Variants in TSPAN7 observed in about 807,000 individuals in gnomAD.
TSPAN7 encodes tetraspanin 7, also known as tetraspanin-7.
A neutral mutation model predicts 17.6 loss-of-function variants in TSPAN7; 1 was observed. The ratio of observed to expected loss-of-function variants is 0.06; its 90% CI spans 0.02 to 0.27. The LOEUF is 0.27. TSPAN7 is among the 10% of genes least tolerant of loss of function. The probability of loss-of-function intolerance (pLI) is 1.00; values close to 1 mark genes in which losing one functional copy is unlikely to be tolerated. For missense variants in TSPAN7, 112 were observed against 201.7 expected, an observed-to-expected ratio of 0.56 and a Z score of 2.69; for synonymous variants, 78 against 79.0, an observed-to-expected ratio of 0.99 and a Z score of 0.07.
intron 1 of TSPAN7, among the ~76,000 whole-genome samples, chrX:38,584,320 A>G (rs530192244): frequency 9.0e-6 from 1 of 111,201 alleles, no homozygotes; most frequent in Admixed American, 9.6e-5. Flanking sequence ...GTTTTAGATA[A>G]CGTCCACATG....
chrX:38,598,784 C>T (rs1164288353), intron 1 of TSPAN7, among the ~76,000 whole-genome samples: 1 of 110,733 alleles, frequency 9.0e-6, no homozygotes, highest in Non-Finnish European at 1.9e-5. Flanking sequence ...AGTATAGAAC[C>T]CATAATGAGC....
intron 1 of TSPAN7, among the ~76,000 whole-genome samples, chrX:38,610,604 G>A (rs965237242): frequency 9.0e-6 from 1 of 111,287 alleles, no homozygotes; most frequent in African/African-American, 3.3e-5. Flanking sequence ...AAGCTCCCCA[G>A]GTGATTCCAG....
At chrX:38,617,932 G>A (rs931830249) in intron 1 of TSPAN7, among the ~76,000 whole-genome samples, 2 of 111,774 alleles carry the variant, frequency 1.8e-5, no homozygotes, top group African/African-American at 3.3e-5. Context: ...TGTTCACATC[G>A]GAGAGAAGGA....
Position 38,632,707 on chromosome X carries a change from A to G in TSPAN7, c.82-33414A>G, listed in dbSNP as rs188121646. On this transcript the variant is annotated intron_variant, in intron 1 of 7. Transcript: ENST00000378482. ...TCTCTACCAAGTGTTACACATGTGT[A>G]TATCTACAAAATGGCTGTTACCAGG... 4.4e-5 allele frequency among the ~76,000 whole-genome samples: 5 copies of G among 112,760 alleles called. No homozygotes were observed. The East Asian group carries it at 1.4e-3, about 31-fold the overall frequency.
intron 1 of TSPAN7, among the ~76,000 whole-genome samples, chrX:38,574,875 A>G (rs1046280728): frequency 9.1e-6 from 1 of 110,102 alleles, no homozygotes; most frequent in Non-Finnish European, 1.9e-5. Flanking sequence ...GCCCTTGTTT[A>G]ATCCCCTCTG....
chrX:38,654,885 G>A (rs768231806), intron 1 of TSPAN7, among the ~76,000 whole-genome samples: 6 of 112,093 alleles, frequency 5.4e-5, no homozygotes, highest in Admixed American at 9.5e-5. Context: ...TTTCAAATAC[G>A]GTCATCAGGG....
chrX:38,601,185 G>T lies in TSPAN7; in HGVS notation c.81+39558G>T, dbSNP rs767545200. Among the ~76,000 whole-genome samples, 3 of 111,855 alleles carry T rather than the reference G, an allele frequency of 2.7e-5. No individual in the cohort carries two copies. In the East Asian group the frequency reaches 8.5e-4, roughly 32 times the overall value. The stretch of plus-strand genomic sequence containing the variant: ...TGGAAACTGGATGTGAAAATATGCA[G>T]TTGTTAATTAGTAAGCAGGGATACT... On this transcript the variant is annotated intron_variant, in intron 1 of 7. Transcript: ENST00000378482.
intron 1 of TSPAN7, among the ~76,000 whole-genome samples, chrX:38,622,121 C>G (rs2069491743): frequency 8.9e-6 from 1 of 112,585 alleles, no homozygotes; most frequent in Non-Finnish European, 1.9e-5. Flanking sequence ...GGCCAGACCC[C>G]ACAGTATATT....
At chrX:38,628,127 G>A (rs1011182759) in intron 1 of TSPAN7, among the ~76,000 whole-genome samples, 1 of 112,649 alleles carries the variant, frequency 8.9e-6, no homozygotes, top group Non-Finnish European at 1.9e-5. Flanking sequence ...AGAAATAGGG[G>A]TCCATTGGCA....
At chrX:38,561,880 C>T (rs1469230202) in intron 1 of TSPAN7, among the ~76,000 whole-genome samples, 2 of 109,920 alleles carry the variant, frequency 1.8e-5, no homozygotes, top group East Asian at 5.8e-4. Flanking sequence ...GGTTGTCGAC[C>T]TTCCAAAAAA....
intron 1 of TSPAN7, among the ~76,000 whole-genome samples, chrX:38,620,425 C>T (rs2069482469): frequency 9.0e-6 from 1 of 111,595 alleles, no homozygotes; most frequent in African/African-American, 3.3e-5. Flanking sequence ...AAATCCCTTT[C>T]TTAGGGCCCT....
chrX:38,646,146 TAAAA>T (rs752134715), intron 1 of TSPAN7: 1 of 513,921 alleles, frequency 1.9e-6, no homozygotes, highest in Non-Finnish European at 2.7e-6. Context: ...GTACTTTCTA[TAAAA>T]AAAAAACCTG....
intron 1 of TSPAN7, among the ~76,000 whole-genome samples, chrX:38,600,203 C>T (rs2069338433): frequency 9.0e-6 from 1 of 111,594 alleles, no homozygotes; most frequent in African/African-American, 3.3e-5. Flanking sequence ...AAAACCATAT[C>T]ATGAGTATCT....
chrX:38,676,952 A>G (rs1231232167), intron 5 of TSPAN7, among the ~76,000 whole-genome samples: 4 of 112,349 alleles, frequency 3.6e-5, no homozygotes, highest in Non-Finnish European at 3.8e-5. Flanking sequence ...AGTGCTAAGC[A>G]TACCTGGCAT....
At chrX:38,566,483 G>A in intron 1 of TSPAN7, 1 of 391,500 alleles carries the variant, frequency 2.6e-6, no homozygotes, top group Non-Finnish European at 3.5e-6. Flanking sequence ...GACTACTCTT[G>A]GGCTCAGTTA....
chrX:38,663,182 G>C (rs9723944), intron 1 of TSPAN7, among the ~76,000 whole-genome samples: 131 of 83,871 alleles, frequency 1.6e-3, no homozygotes, highest in African/African-American at 4.9e-3. Context: ...CACACACACA[G>C]ACACACACAC....
chrX:38,620,233 C>T (rs1368665459), intron 1 of TSPAN7, among the ~76,000 whole-genome samples: 1 of 111,811 alleles, frequency 8.9e-6, no homozygotes, highest in Non-Finnish European at 1.9e-5. Flanking sequence ...GATGATAGGC[C>T]GTCAGGAAAA....
intron 1 of TSPAN7, among the ~76,000 whole-genome samples, chrX:38,650,218 C>T (rs1351049742): frequency 8.9e-6 from 1 of 112,390 alleles, no homozygotes; most frequent in Non-Finnish European, 1.9e-5. Context: ...GCCCATGGCC[C>T]TCAGGAAGCC....
chrX:38,667,132 G>A (rs1020161240), intron 2 of TSPAN7, among the ~76,000 whole-genome samples: 1 of 111,655 alleles, frequency 9.0e-6, no homozygotes, highest in Non-Finnish European at 1.9e-5. Context: ...GCCAGAGCCT[G>A]CCACCCAGAG....
Sources: gnomAD v4.1 joint callset for allele counts (sites outside exome capture counted in the v4.1 genomes callset) on GRCh38, gnomAD v4.1.1 for gene constraint, MANE v1.5 for transcripts, NCBI Gene and HGNC (gene_info 2026-07-23, HGNC 2026-07-21) for gene names.